The following KLRG1 variants were observed in gnomAD, a reference collection of about 807,000 sequenced individuals.
The protein encoded by KLRG1 is killer cell lectin-like receptor subfamily G member 1.
Under a neutral mutation model 21.8 loss-of-function variants are expected in KLRG1, and 16 were observed. The ratio of observed to expected loss-of-function variants is 0.73; its 90% CI spans 0.50 to 1.11. The LOEUF (loss-of-function observed/expected upper bound fraction) is 1.11. Among genes scored for constraint, KLRG1 ranks in the 50% most tolerant of loss-of-function variants. The pLI is 0.00. For synonymous variants in KLRG1, 69 were observed against 75.9 expected (o/e 0.91, Z 0.47); for missense variants, 173 against 218.3 (o/e 0.79, Z 1.31).
chr12:9,169,049 C>T, the KLRG1 span: 2 of 1,082,320 alleles, frequency 1.8e-6, no homozygotes, highest in Non-Finnish European at 2.8e-6. Context: ...TTAGAGACTT[C>T]TCTATGTAAT....
chr12:9,062,978 A>T, the KLRG1 span, among the ~76,000 whole-genome samples: 2 of 152,116 alleles, frequency 1.3e-5, no homozygotes, highest in Non-Finnish European at 2.9e-5. Flanking sequence ...GACAACGTGG[A>T]TGGACATAAA....
chr12:9,215,259 C>A, the KLRG1 span, among the ~76,000 whole-genome samples: 2 of 151,936 alleles, frequency 1.3e-5, no homozygotes, highest in African/African-American at 2.4e-5. Context: ...AGGTGTTATT[C>A]TTTTGTCAAC....
chr12:9,073,978 C>T, the KLRG1 span, among the ~76,000 whole-genome samples: 2 of 151,130 alleles, frequency 1.3e-5, no homozygotes, highest in South Asian at 2.1e-4. Flanking sequence ...ATCCTAGATA[C>T]TTGGGAGGCT....
At chr12:9,120,886 T>TGTGTGTGTGTGTGTA in the KLRG1 span, among the ~76,000 whole-genome samples, 1 of 148,030 alleles carries the variant, frequency 6.8e-6, no homozygotes. Context: ...TGTGTGTGTA[T>TGTGTGTGTGTGTGTA]TTTTTTTTTT....
intron 2 of KLRG1, among the ~76,000 whole-genome samples, chr12:8,994,797 A>C (rs958649783): frequency 1.3e-5 from 2 of 152,244 alleles, no homozygotes; most frequent in African/African-American, 4.8e-5. Flanking sequence ...TTACATGTGC[A>C]CAGAGATCTC....
chr12:8,983,929 A>G (rs1354217279), intron 1 of KLRG1, among the ~76,000 whole-genome samples: 1 of 151,838 alleles, frequency 6.6e-6, no homozygotes, highest in African/African-American at 2.4e-5. Context: ...AGTTTCTTAT[A>G]CCTGTAGGTT....
At chr12:9,171,569 A>G in the KLRG1 span, among the ~76,000 whole-genome samples, 2 of 152,180 alleles carry the variant, frequency 1.3e-5, no homozygotes, top group Admixed American at 1.3e-4. Flanking sequence ...GCTGTAACCC[A>G]ATGAAAAGAA....
At chr12:9,163,389 C>T in the KLRG1 span, among the ~76,000 whole-genome samples, 4 of 151,078 alleles carry the variant, frequency 2.6e-5, no homozygotes, top group African/African-American at 9.7e-5. Flanking sequence ...GGAGGCAGAG[C>T]TTTCAGTGAG....
At chr12:9,058,025 G>A in the KLRG1 span, 3 of 152,116 alleles carry the variant, frequency 2.0e-5, no homozygotes, top group Admixed American at 1.3e-4. Flanking sequence ...CCTATAGTGA[G>A]AGATAGATTC....
chr12:9,110,225 T>C, the KLRG1 span: 4 of 1,206,260 alleles, frequency 3.3e-6, no homozygotes. Context: ...ATGACAAGTT[T>C]CTGAGATATT....
At chr12:8,986,524 G>A (rs993373093), upstream of KLRG1, among the ~76,000 whole-genome samples, 1 of 150,850 alleles carries the variant, frequency 6.6e-6, no homozygotes, top group Non-Finnish European at 1.5e-5. Flanking sequence ...TGTTCATATT[G>A]TTCCATTGGG....
intron 3 of KLRG1, among the ~76,000 whole-genome samples, chr12:9,003,184 G>A (rs1339024783): frequency 2.0e-5 from 3 of 152,104 alleles, no homozygotes; most frequent in Non-Finnish European, 4.4e-5. Flanking sequence ...TAGCTCTGCA[G>A]ATTCTAACTG....
At chr12:9,139,708 T>C in the KLRG1 span, among the ~76,000 whole-genome samples, 1 of 152,236 alleles carries the variant, frequency 6.6e-6, no homozygotes. Flanking sequence ...GTAACAGTTT[T>C]TAACTCAGTC....
chr12:8,974,590 A>T (rs187296423), intron 1 of KLRG1, among the ~76,000 whole-genome samples: 6 of 152,128 alleles, frequency 3.9e-5, no homozygotes, highest in Non-Finnish European at 7.3e-5. Context: ...ATGAATGTCA[A>T]ATTTTGCTAC....
At chr12:9,090,589 A>T in the KLRG1 span, 1 of 1,151,640 alleles carries the variant, frequency 8.7e-7, no homozygotes, top group Non-Finnish European at 1.2e-6. Context: ...GTTGCCTCAC[A>T]TTAAAGATGA....
chr12:9,204,768 T>A, the KLRG1 span, among the ~76,000 whole-genome samples: 1 of 152,052 alleles, frequency 6.6e-6, no homozygotes, highest in Non-Finnish European at 1.5e-5. Context: ...TCGAATCACA[T>A]GGGTGGATAG....
At chr12:9,103,664 T>C in the KLRG1 span, among the ~76,000 whole-genome samples, 6 of 152,198 alleles carry the variant, frequency 3.9e-5, no homozygotes, top group Non-Finnish European at 7.3e-5. Flanking sequence ...TCATACAGTA[T>C]TGGTCTTTTT....
In KLRG1 at chr12:9,009,728, G is replaced by C. The variant is rs919476322; in HGVS notation, c.*191G>C. On this transcript the variant is annotated 3_prime_UTR_variant, in exon 5 of 5. Coordinates refer to ENST00000356986, the MANE Select transcript of KLRG1 (RefSeq NM_005810.4). ...GATGGATTCTCTTTGAGACTATTTA[G>C]ATATTATGTGAGCAATTTAAAGACC... 5 of 1,419,672 alleles carry C rather than the reference G, an allele frequency of 3.5e-6. No individual in the cohort carries two copies. In the Admixed American group the frequency reaches 1.2e-4, roughly 34 times the overall value. The allele number at this position is 1,419,672 out of a possible 1,614,324, so 87.9% of individuals were successfully genotyped here.
the KLRG1 span, among the ~76,000 whole-genome samples, chr12:9,132,871 A>G: frequency 1.3e-5 from 2 of 152,220 alleles, no homozygotes; most frequent in Non-Finnish European, 2.9e-5. Flanking sequence ...TGTATATCCA[A>G]TTATGAAACA....
Sources: allele counts gnomAD v4.1 joint callset (sites outside exome capture counted in the v4.1 genomes callset), GRCh38; gene constraint gnomAD v4.1.1; transcripts MANE v1.5; gene names NCBI Gene and HGNC (gene_info 2026-07-23, HGNC 2026-07-21).